The following ZNF618 variants were observed in gnomAD, a reference collection of about 807,000 sequenced individuals.
ZNF618 encodes zinc finger protein 618.
In ZNF618, 34 loss-of-function variants were observed where a neutral mutation model predicts 103.0. The ratio of observed to expected loss-of-function variants is 0.33; its 90% CI spans 0.25 to 0.44. The LOEUF (loss-of-function observed/expected upper bound fraction) is 0.44, where lower values mean the gene tolerates loss of function less well. Among genes scored for constraint, ZNF618 ranks in the 20% least tolerant of loss-of-function variants. The pLI is 1.00. For synonymous variants in ZNF618, 551 were observed against 542.2 expected, an observed-to-expected ratio of 1.02 and a Z score of -0.23; for missense variants, 1,059 against 1,295.4, an observed-to-expected ratio of 0.82 and a Z score of 2.80.
At chr9:114,007,534 T>C (rs1841859431) in intron 7 of ZNF618, 95 bp downstream of exon 7, 2 of 1,229,952 alleles carry the variant, frequency 1.6e-6, no homozygotes, top group Non-Finnish European at 2.3e-6. Flanking sequence ...TCCTCCCTCT[T>C]ACCCAGAAAA....
chr9:113,974,319 A>G (rs1838285163), intron 2 of ZNF618, among the ~76,000 whole-genome samples: 1 of 152,160 alleles, frequency 6.6e-6, no homozygotes, highest in Non-Finnish European at 1.5e-5. Flanking sequence ...AGGCAGAGAG[A>G]ACAACAGGTG....
At chr9:113,904,729 C>T (rs927372885) in intron 1 of ZNF618, among the ~76,000 whole-genome samples, 1 of 152,174 alleles carries the variant, frequency 6.6e-6, no homozygotes, top group African/African-American at 2.4e-5. Flanking sequence ...GAATCTGTTT[C>T]CCTTTCCAAC....
intron 1 of ZNF618, among the ~76,000 whole-genome samples, chr9:113,921,151 C>A (rs942448809): frequency 6.6e-6 from 1 of 152,334 alleles, no homozygotes; most frequent in Middle Eastern, 3.4e-3. Flanking sequence ...GCAGCTTTGG[C>A]ATCCATTAGA....
At chr9:113,953,814 C>T (rs1835992630) in intron 1 of ZNF618, among the ~76,000 whole-genome samples, 2 of 148,228 alleles carry the variant, frequency 1.3e-5, no homozygotes, top group African/African-American at 5.0e-5. Context: ...ACTGGGGAAT[C>T]CAGAGGCACA....
In ZNF618 at chr9:114,051,795, A is replaced by C. The variant is rs976428840; in HGVS notation, c.*1628A>C. Reference sequence around the variant, plus strand: ...CCCAGCTGTGAGCAAATTAGGTTCTACACACACAGTTCGGATGCCAAGGGT... The same window carrying C: ...CCCAGCTGTGAGCAAATTAGGTTCTCCACACACAGTTCGGATGCCAAGGGT... On this transcript the variant is annotated 3_prime_UTR_variant, in exon 15 of 15. Transcript: ENST00000374126. The C allele has an allele frequency of 6.6e-6, 1 of 152,300 alleles. No homozygotes were observed. The highest frequency in any genetic ancestry group is 2.4e-5 in the African/African-American group (1 of 41,432). 9.4% of individuals were successfully genotyped at this position (152,300 alleles called of 1,614,324 possible).
chr9:113,968,980 G>A (rs1307018872), intron 1 of ZNF618, 137 bp from the exon 2 acceptor site: 2 of 949,882 alleles, frequency 2.1e-6, no homozygotes, highest in African/African-American at 1.6e-5. Flanking sequence ...CAGCCTGGAG[G>A]AGCGGGACAG....
At chr9:114,032,927 G>C (rs1384741470) in intron 12 of ZNF618, among the ~76,000 whole-genome samples, 199 bp downstream of exon 12, 1 of 152,098 alleles carries the variant, frequency 6.6e-6, no homozygotes, top group Non-Finnish European at 1.5e-5. Context: ...ATTCCTCTGA[G>C]CCTTGGGCAT....
intron 1 of ZNF618, among the ~76,000 whole-genome samples, chr9:113,952,570 G>T (rs1001831807): frequency 1.1e-4 from 17 of 152,238 alleles, no homozygotes; most frequent in African/African-American, 3.9e-4. Context: ...CATGATGGTT[G>T]AGTGATGGGC....
rs144706183 is a variant in ZNF618 at position 113,937,496 on chromosome 9, C to T, written c.34-31621C>T. On this transcript the variant is annotated intron_variant, in intron 1 of 14. Transcript: ENST00000374126. ...TATGTTTTTTATAGGAAAAGAAAAC[C>T]CTGGATTCTGAGTGAAATTGTTTTC... Among the ~76,000 whole-genome samples the T allele has an allele frequency of 1.2e-4, 19 of 152,228 alleles. No homozygotes were observed. In the East Asian group the frequency reaches 2.7e-3, roughly 22 times the overall value.
rs1434882052 is a variant in ZNF618, at chr9:114,055,617, A to C, written c.*5450A>C. 1 of 140,430 alleles carries C rather than the reference A, an allele frequency of 7.1e-6. No homozygotes were observed. The highest frequency in any genetic ancestry group is 1.5e-5 in the Non-Finnish European group (1 of 65,028). 8.7% of individuals were successfully genotyped at this position (140,430 alleles called of 1,614,324 possible). On this transcript the variant is annotated 3_prime_UTR_variant, in exon 15 of 15. Coordinates refer to ENST00000374126, the MANE Select transcript of ZNF618 (RefSeq NM_001318042.2). ...AGTAACCACGTGCGTGCACCCCCGC[A>C]TCCTTTCTCAGTAGTTAAGACGTTC... is the stretch of plus-strand genomic sequence containing the variant.
intron 10 of ZNF618, among the ~76,000 whole-genome samples, chr9:114,018,704 GCTGT>G (rs1216870259): frequency 7.9e-5 from 12 of 152,154 alleles, no homozygotes; most frequent in African/African-American, 1.9e-4. Context: ...CTCCTGAAGG[GCTGT>G]CTACTTTTCT....
At chr9:114,016,545 T>G (rs1842661370) in intron 9 of ZNF618, 150 bp from the exon 10 acceptor site, 1 of 647,160 alleles carries the variant, frequency 1.5e-6, no homozygotes, top group African/African-American at 1.8e-5. Context: ...AGCTGGGATT[T>G]GAATAGGGGT....
intron 1 of ZNF618, among the ~76,000 whole-genome samples, chr9:113,888,723 G>A (rs1829312501): frequency 6.6e-6 from 1 of 152,192 alleles, no homozygotes; most frequent in Non-Finnish European, 1.5e-5. Flanking sequence ...CCAGTCTCGG[G>A]TACATTCTTT....
intron 1 of ZNF618, among the ~76,000 whole-genome samples, chr9:113,885,112 C>G (rs535818808): frequency 1.3e-5 from 2 of 152,042 alleles, no homozygotes; most frequent in Non-Finnish European, 2.9e-5. Flanking sequence ...AAAGGGGAGA[C>G]GCCTGTGGCT....
At chr9:113,943,804 TG>T (rs920181402) in intron 1 of ZNF618, among the ~76,000 whole-genome samples, 11 of 152,256 alleles carry the variant, frequency 7.2e-5, no homozygotes, top group African/African-American at 2.6e-4. Context: ...GGCTGTGCCC[TG>T]TGTAGCCTTC....
At chr9:113,915,638 G>A (rs904909258) in intron 1 of ZNF618, among the ~76,000 whole-genome samples, 4 of 152,200 alleles carry the variant, frequency 2.6e-5, no homozygotes, top group Non-Finnish European at 5.9e-5. Flanking sequence ...GAGGGAAGCT[G>A]AAAATATTAG....
At chr9:113,965,675 C>T (rs907796659) in intron 1 of ZNF618, among the ~76,000 whole-genome samples, 62 of 152,186 alleles carry the variant, frequency 4.1e-4, no homozygotes, top group Middle Eastern at 3.4e-3. Context: ...CCATTTTTTA[C>T]CTATGGAGAA....
chr9:113,909,812 T>G (rs1831348262), intron 1 of ZNF618, among the ~76,000 whole-genome samples: 1 of 149,554 alleles, frequency 6.7e-6, no homozygotes. Flanking sequence ...TGAGACAGAG[T>G]CTCGCTCTGT....
chr9:113,996,342 C>G (rs62555862), intron 3 of ZNF618, among the ~76,000 whole-genome samples: 1 of 152,228 alleles, frequency 6.6e-6, no homozygotes, highest in Non-Finnish European at 1.5e-5. Flanking sequence ...TGTCCCTACC[C>G]TTGCGTTTTT....
Sources: gnomAD v4.1 joint callset for allele counts (sites outside exome capture counted in the v4.1 genomes callset) on GRCh38, gnomAD v4.1.1 for gene constraint, MANE v1.5 for transcripts, NCBI Gene and HGNC (gene_info 2026-07-23, HGNC 2026-07-21) for gene names.